SLC4A11: variants seen among roughly 807,000 people sequenced by gnomAD.
The protein encoded by SLC4A11 is bicarbonate transporter related protein 1.
In SLC4A11, 74 loss-of-function variants were observed where a neutral mutation model predicts 95.0. That is an observed-to-expected ratio of 0.78 (90% CI 0.65 to 0.95). The LOEUF is 0.95. Ranked by LOEUF, SLC4A11 falls within the 40% of genes least tolerant of loss-of-function variation. The probability of loss-of-function intolerance (pLI) is 0.00; values close to 1 mark genes in which losing one functional copy is unlikely to be tolerated. For synonymous variants in SLC4A11, 548 were observed against 519.0 expected, an observed-to-expected ratio of 1.06 and a Z score of -0.76; for missense variants, 1,081 against 1,192.4, an observed-to-expected ratio of 0.91 and a Z score of 1.38.
chr20:3,236,714 C>T (rs890457781), intron 2 of SLC4A11, among the ~76,000 whole-genome samples: 3 of 152,188 alleles, frequency 2.0e-5, no homozygotes, highest in African/African-American at 4.8e-5. Flanking sequence ...CTGGCCCGAA[C>T]TTGTCCCAGC....
intron 7 of SLC4A11, among the ~76,000 whole-genome samples, chr20:3,233,241 C>T (rs558024946): frequency 2.1e-4 from 32 of 152,260 alleles, no homozygotes; most frequent in African/African-American, 3.9e-4. Context: ...GGCTGGCGGG[C>T]GGGCAGGCCA....
chr20:3,230,502 A>G lies in SLC4A11; in HGVS notation c.1415+13T>C. The G allele has an allele frequency of 6.2e-7, 1 of 1,613,686 alleles. No individual in the cohort carries two copies. The highest frequency in any genetic ancestry group is 8.5e-7 in the Non-Finnish European group (1 of 1,180,026). On this transcript the variant is annotated intron_variant, in intron 12 of 19. Coordinates refer to ENST00000642402, the MANE Select transcript of SLC4A11 (RefSeq NM_001174089.2). ...CCTTGAGGGTCCCAGCAGCTCACGG[A>G]AGGGCCAGTCACCTCTTGAAGAGAC...
chr20:3,233,751 A>G (rs1271256198), intron 6 of SLC4A11, 114 bp from the exon 7 acceptor site: 3 of 1,555,042 alleles, frequency 1.9e-6, no homozygotes, highest in Non-Finnish European at 2.6e-6. Context: ...GAGGGAAAAG[A>G]AGAGCAAATG....
rs771757322 is a variant in SLC4A11, at chr20:3,234,586, G to A, written c.273C>T (p.Leu91=). Residue 91 remains leucine, a synonymous_variant, in exon 4 of 20, where the codon CTC becomes CTT. Transcript: ENST00000642402. This position sits in a 1 kb window ranked among gnomAD's most constrained non-coding sequence, Gnocchi z 5.8. The part of the protein sequence containing the change: ...ENEATSGGCV[L]LHTSRKYLKL... ...CATTCACCTTTCGGGAGGTGTGCAG[G>A]AGCACACAGCCACCGGAAGTCGCTT... The A allele has an allele frequency of 3.1e-6, 5 of 1,613,846 alleles. 1 individual carries two copies. In the South Asian group the frequency reaches 5.5e-5, roughly 18 times the overall value.
intron 15 of SLC4A11, 32 bp downstream of exon 15, chr20:3,229,314 C>T (rs371853246): frequency 1.2e-6 from 2 of 1,612,916 alleles, no homozygotes; most frequent in African/African-American, 2.7e-5. Flanking sequence ...GGGGAGCTAC[C>T]CCACGTCACC....
intron 2 of SLC4A11, 116 bp downstream of exon 2, chr20:3,237,428 G>T: frequency 9.5e-7 from 1 of 1,057,814 alleles, no homozygotes; most frequent in Non-Finnish European, 1.5e-6. Flanking sequence ...TCCAGCACTA[G>T]AGTGGCCCAG....
chr20:3,233,145 A>G (rs2067836397), intron 7 of SLC4A11, among the ~76,000 whole-genome samples: 1 of 152,178 alleles, frequency 6.6e-6, no homozygotes, highest in Non-Finnish European at 1.5e-5. Context: ...CACAAAAAGC[A>G]TGGTGTCCCG....
rs1340752579 is a variant in SLC4A11, at chr20:3,231,506, T to A, written c.772A>T (p.Thr258Ser). Reference sequence around the variant, plus strand: ...CGGAAGGCGATATCCGAGAACATGGTGGCAAACGTGCGCGCCACCTCCATC... The same window carrying A: ...CGGAAGGCGATATCCGAGAACATGGAGGCAAACGTGCGCGCCACCTCCATC... ...TAMEVARTFA[T>S]MFSDIAFRQK... The change falls in exon 8 of 20, where the codon ACC (threonine) becomes TCC (serine). Residue 258 changes from threonine (T) to serine (S), a missense_variant. By Grantham distance (58) the Thr-to-Ser change is moderately conservative. Around this residue, in one of 3 missense-constraint regions of SLC4A11, gnomAD observed 767 missense variants for 858.0 expected, o/e 0.89. Coordinates refer to ENST00000642402, the MANE Select transcript of SLC4A11 (RefSeq NM_001174089.2). This position sits in a 1 kb window ranked among gnomAD's most constrained non-coding sequence, Gnocchi z 5.2. 3 of 1,613,752 alleles carry A rather than the reference T, an allele frequency of 1.9e-6. No individual in the cohort carries two copies. The highest frequency in any genetic ancestry group is 2.5e-6 in the Non-Finnish European group (3 of 1,180,010).
intron 1 of SLC4A11, chr20:3,238,367 G>A (rs1411504614): frequency 2.0e-6 from 2 of 985,272 alleles, no homozygotes; most frequent in East Asian, 2.3e-4. Context: ...AGACCCCGGG[G>A]GTCGGGGCGC....
In SLC4A11 at chr20:3,231,569, T is replaced by G. The variant is rs763588138; in HGVS notation, c.730-21A>C. The G allele has an allele frequency of 1.3e-6, 2 of 1,597,018 alleles. No homozygotes were observed. Among genetic ancestry groups the G allele is most frequent in the Non-Finnish European group, 1.7e-6 (2 of 1,169,162 alleles). On this transcript the variant is annotated intron_variant, in intron 7 of 19. Transcript: ENST00000642402. This position sits in a 1 kb window ranked among gnomAD's most constrained non-coding sequence, Gnocchi z 5.2. ...CTTTTCTAGGGGTGGAGGATGGGAG[T>G]CACCCCTAGAAACAGAGGAGGCCCT...
intron 7 of SLC4A11, among the ~76,000 whole-genome samples, chr20:3,232,994 G>A (rs1345359702): frequency 6.6e-6 from 1 of 152,242 alleles, no homozygotes; most frequent in South Asian, 2.1e-4. Context: ...CAGAAGGCCA[G>A]GGGCAGGAGC....
rs1030762525 is a variant in SLC4A11 at position 3,227,872 on chromosome 20, G to A, written c.2559-16C>T. ...CAGGATATAGCTGTGGGGAGGGAGG[G>A]ACAGGAGGATGAGCCTGGGTCAGAG... On this transcript the variant is annotated splice_polypyrimidine_tract_variant and intron_variant, in intron 19 of 19. Transcript: ENST00000642402. 6.2e-6 allele frequency: 10 copies of A among 1,609,730 alleles called. No individual in the cohort carries two copies. The Middle Eastern group carries it at 4.9e-4, about 79-fold the overall frequency.
chr20:3,230,900 A>ACCCCCCCCCCCC, intron 10 of SLC4A11, 33 bp downstream of exon 10: 4 of 1,610,716 alleles, frequency 2.5e-6, no homozygotes, highest in South Asian at 1.1e-5. Flanking sequence ...AGCCCAGCAT[A>ACCCCCCCCCCCC]CCCCCACCCA....
intron 12 of SLC4A11, 38 bp from the exon 13 acceptor site, chr20:3,230,298 G>A: frequency 6.2e-7 from 1 of 1,611,344 alleles, no homozygotes; most frequent in Non-Finnish European, 8.5e-7. Flanking sequence ...AGTGGGTGTG[G>A]TCAGGGGGCA....
chr20:3,233,895 G>T (rs374045564), intron 6 of SLC4A11, 26 bp downstream of exon 6: 14 of 1,610,564 alleles, frequency 8.7e-6, no homozygotes, highest in Non-Finnish European at 2.5e-6. Flanking sequence ...CGACAAGAAG[G>T]GGGGCCAAGT....
Position 3,229,731 on chromosome 20 carries a change from G to A in SLC4A11, c.1535C>T (p.Thr512Ile). 6.2e-7 allele frequency: 1 copy of A among 1,614,026 alleles called. No individual in the cohort carries two copies. Among genetic ancestry groups the A allele is most frequent in the Admixed American group, 1.7e-5 (1 of 60,026 alleles). The change falls in exon 14 of 20, where the codon ACA becomes ATA. Residue 512 changes from threonine to isoleucine, a missense_variant. Physicochemically the swap from Thr to Ile is moderately conservative, Grantham distance 89. Around this residue, in one of 3 missense-constraint regions of SLC4A11, gnomAD observed 767 missense variants for 858.0 expected, o/e 0.89. Coordinates refer to ENST00000642402, the MANE Select transcript of SLC4A11 (RefSeq NM_001174089.2). ...YYGHYLDDYH[T>I]KRTSSLVSLS... Reference sequence around the variant, plus strand: ...GCTGACAAGGGATGAAGTCCTTTTTGTGTGATAGTCGTCCAAGTAATGCCC... The same window carrying A: ...GCTGACAAGGGATGAAGTCCTTTTTATGTGATAGTCGTCCAAGTAATGCCC...
Position 3,231,069 on chromosome 20 carries a change from G to C in SLC4A11, c.1043-11C>G. The stretch of plus-strand genomic sequence containing the variant: ...TTTTCCCAATAATGCCTAGGAATGG[G>C]GGATGGGAGAGAGGGTTTGCTGGGG... On this transcript the variant is annotated splice_polypyrimidine_tract_variant and intron_variant, in intron 9 of 19. Coordinates refer to ENST00000642402, the MANE Select transcript of SLC4A11 (RefSeq NM_001174089.2). The surrounding 1 kb of genome is among the most constrained non-coding windows in gnomAD (Gnocchi z 5.2). The C allele has an allele frequency of 6.2e-7, 1 of 1,608,182 alleles. No individual in the cohort carries two copies. The highest frequency in any genetic ancestry group is 8.5e-7 in the Non-Finnish European group (1 of 1,179,988).
In SLC4A11 at chr20:3,228,401, G is replaced by A. The variant is rs781344724; in HGVS notation, c.2416C>T (p.Arg806Trp). The change falls in exon 19 of 20, where the codon CGG (arginine) becomes TGG (tryptophan). Residue 806 changes from arginine (R) to tryptophan (W), a missense_variant. By Grantham distance (101) the Arg-to-Trp change is moderately radical. This residue lies in a region of SLC4A11 where 767 missense variants were observed against 858.0 expected (regional missense o/e 0.89). Transcript: ENST00000642402. Reference protein sequence around the residue: ...QTAYPPTHYIRRVPQRKIHYF... With the variant: ...QTAYPPTHYIWRVPQRKIHYF... Reference sequence around the variant, plus strand: ...TGGATCTTCCTCTGGGGCACCCTCCGGATGTAGTGTGTCGGGGGGTACGCA... The same window carrying A: ...TGGATCTTCCTCTGGGGCACCCTCCAGATGTAGTGTGTCGGGGGGTACGCA... 5 of 1,613,332 alleles carry A rather than the reference G, an allele frequency of 3.1e-6. No homozygotes were observed. Among genetic ancestry groups the A allele is most frequent in the East Asian group, 4.5e-5 (2 of 44,850 alleles).
At chr20:3,238,235 G>A in intron 1 of SLC4A11, 1 of 1,367,438 alleles carries the variant, frequency 7.3e-7, no homozygotes, top group Non-Finnish European at 9.4e-7. Context: ...ACATGGGTCG[G>A]GGGAGGCTGC....
Sources: allele counts gnomAD v4.1 joint callset (sites outside exome capture counted in the v4.1 genomes callset), GRCh38; gene constraint gnomAD v4.1.1; regional missense constraint gnomAD v4.1.1; non-coding constraint Gnocchi (gnomAD v3.1); transcripts MANE v1.5; gene names NCBI Gene and HGNC (gene_info 2026-07-23, HGNC 2026-07-21).